The following PABPC4L variants were observed in gnomAD, a reference collection of about 807,000 sequenced individuals.
PABPC4L encodes poly(A) binding protein cytoplasmic 4 like, also known as polyadenylate-binding protein 4-like.
For missense variants in PABPC4L, 452 were observed against 451.4 expected, an observed-to-expected ratio of 1.00 and a Z score of -0.01; for synonymous variants, 169 against 164.1, an observed-to-expected ratio of 1.03 and a Z score of -0.23.
chr4:134,109,249 T>C, the PABPC4L span, among the ~76,000 whole-genome samples: 2 of 152,014 alleles, frequency 1.3e-5, no homozygotes, highest in South Asian at 4.1e-4. Flanking sequence ...TCTTTATGTA[T>C]ACATAAATAT....
the PABPC4L span, among the ~76,000 whole-genome samples, chr4:134,145,344 A>G: frequency 5.9e-5 from 9 of 152,080 alleles, no homozygotes; most frequent in African/African-American, 1.9e-4. Context: ...ATTGGGAAAT[A>G]AAAACTATGA....
chr4:134,046,155 T>A, the PABPC4L span, among the ~76,000 whole-genome samples: 1 of 152,056 alleles, frequency 6.6e-6, no homozygotes, highest in Non-Finnish European at 1.5e-5. Flanking sequence ...CTGAGTTCCC[T>A]CAGAATTTAT....
At chr4:134,118,092 T>C in the PABPC4L span, among the ~76,000 whole-genome samples, 12 of 151,914 alleles carry the variant, frequency 7.9e-5, no homozygotes, top group East Asian at 1.9e-3. Context: ...GTCAACAACA[T>C]GAGGACCATG....
the PABPC4L span, among the ~76,000 whole-genome samples, chr4:134,025,061 T>G: frequency 1.3e-5 from 2 of 150,098 alleles, no homozygotes; most frequent in African/African-American, 4.9e-5. Flanking sequence ...CCAGGCACGG[T>G]GGCTCACACC....
chr4:133,963,594 G>GA, the PABPC4L span, among the ~76,000 whole-genome samples: 2 of 151,310 alleles, frequency 1.3e-5, no homozygotes, highest in Non-Finnish European at 3.0e-5. Context: ...TGATAGGCCA[G>GA]AAAAAAAACT....
At chr4:134,106,099 T>C in the PABPC4L span, among the ~76,000 whole-genome samples, 1 of 151,764 alleles carries the variant, frequency 6.6e-6, no homozygotes, top group East Asian at 1.9e-4. Flanking sequence ...CAATATTAAT[T>C]CATAGCCTGG....
At chr4:134,120,102 G>A in the PABPC4L span, among the ~76,000 whole-genome samples, 1 of 151,432 alleles carries the variant, frequency 6.6e-6, no homozygotes, top group Non-Finnish European at 1.5e-5. Context: ...CATTGATCTT[G>A]GAGTGGAATT....
At chr4:134,009,677 T>C in the PABPC4L span, among the ~76,000 whole-genome samples, 4 of 152,134 alleles carry the variant, frequency 2.6e-5, no homozygotes, top group African/African-American at 9.6e-5. Context: ...ACTTACCATC[T>C]TTCTGAGAAA....
chr4:133,991,952 C>T, the PABPC4L span, among the ~76,000 whole-genome samples: 7 of 152,110 alleles, frequency 4.6e-5, no homozygotes, highest in Non-Finnish European at 1.0e-4. Flanking sequence ...GCAAATCAGG[C>T]ATTGATCTGT....
chr4:134,201,280 A>G (rs1486682318), intron 1 of PABPC4L, 35 bp from the exon 2 acceptor site: 7 of 1,455,272 alleles, frequency 4.8e-6, no homozygotes, highest in Non-Finnish European at 5.5e-6. Context: ...TTAGGACAAG[A>G]CGTTCCTTCC....
chr4:134,075,283 C>T, the PABPC4L span, among the ~76,000 whole-genome samples: 1 of 152,000 alleles, frequency 6.6e-6, no homozygotes, highest in Admixed American at 6.6e-5. Context: ...AAAAGGAGAA[C>T]ATATTGTGAT....
chr4:134,058,762 C>CAA, the PABPC4L span, among the ~76,000 whole-genome samples: 2 of 151,958 alleles, frequency 1.3e-5, no homozygotes, highest in African/African-American at 4.8e-5. Context: ...AATATCTTTA[C>CAA]TATTTCTGCT....
the PABPC4L span, among the ~76,000 whole-genome samples, chr4:134,095,572 C>T: frequency 6.6e-6 from 1 of 151,862 alleles, no homozygotes; most frequent in African/African-American, 2.4e-5. Flanking sequence ...GCATCCTTGG[C>T]CTAATATCTT....
chr4:133,965,726 CT>C, the PABPC4L span, among the ~76,000 whole-genome samples: 1 of 152,070 alleles, frequency 6.6e-6, no homozygotes, highest in Admixed American at 6.6e-5. Context: ...AAAGGACACC[CT>C]TTTCAACAAA....
chr4:134,153,360 T>C, the PABPC4L span, among the ~76,000 whole-genome samples: 1 of 151,188 alleles, frequency 6.6e-6, no homozygotes, highest in African/African-American at 2.4e-5. Flanking sequence ...TATGTGTGTA[T>C]ATATATATAT....
the PABPC4L span, among the ~76,000 whole-genome samples, chr4:133,960,494 A>G: frequency 1.3e-5 from 2 of 152,220 alleles, no homozygotes; most frequent in Non-Finnish European, 2.9e-5. Flanking sequence ...CAGTGGCCCA[A>G]GGAAAATGCC....
At chr4:134,058,641 T>C in the PABPC4L span, among the ~76,000 whole-genome samples, 6 of 152,206 alleles carry the variant, frequency 3.9e-5, no homozygotes, top group South Asian at 1.2e-3. Flanking sequence ...TTCCTCTAGA[T>C]GTTTACTTCT....
chr4:134,083,756 C>G, the PABPC4L span, among the ~76,000 whole-genome samples: 3 of 152,110 alleles, frequency 2.0e-5, no homozygotes, highest in Non-Finnish European at 4.4e-5. Context: ...TTTTTGACAA[C>G]AGGTCTAAAA....
chr4:134,128,953 T>C, the PABPC4L span, among the ~76,000 whole-genome samples: 2,306 of 152,040 alleles, frequency 0.015, 58 homozygotes, highest in African/African-American at 0.049. Context: ...TAAGGACTCA[T>C]ATAAACTTAA....
Sources: gnomAD v4.1 joint callset for allele counts (sites outside exome capture counted in the v4.1 genomes callset) on GRCh38, gnomAD v4.1.1 for gene constraint, MANE v1.5 for transcripts, NCBI Gene and HGNC (gene_info 2026-07-23, HGNC 2026-07-21) for gene names.